Variants in SPPL3 observed in about 807,000 individuals in gnomAD.
The protein encoded by SPPL3 is signal peptide peptidase like 3, also known as signal peptide peptidase-like 3.
A neutral mutation model predicts 42.4 loss-of-function variants in SPPL3; 5 were observed. That is an observed-to-expected ratio of 0.12 (90% CI 0.06 to 0.25). The LOEUF (loss-of-function observed/expected upper bound fraction) is 0.25, where lower values mean the gene tolerates loss of function less well. Among genes scored for constraint, SPPL3 ranks in the 10% least tolerant of loss-of-function variants. The pLI is 1.00. For missense variants in SPPL3, 235 were observed against 489.0 expected (o/e 0.48, Z 4.90); for synonymous variants, 195 against 181.8 (o/e 1.07, Z -0.58).
intron 1 of SPPL3, among the ~76,000 whole-genome samples, chr12:120,857,333 G>A (rs2137039326): frequency 6.6e-6 from 1 of 152,314 alleles, no homozygotes; most frequent in Non-Finnish European, 1.5e-5. Context: ...AACAGATGCT[G>A]GCGAGGCTGT....
chr12:120,840,234 C>T (rs1422124297), intron 1 of SPPL3, among the ~76,000 whole-genome samples: 2 of 129,236 alleles, frequency 1.5e-5, no homozygotes, highest in African/African-American at 5.7e-5. Flanking sequence ...GCTGAGATTG[C>T]ACCACTGTAC....
At chr12:120,879,194 CA>C (rs905901329) in intron 1 of SPPL3, among the ~76,000 whole-genome samples, 4 of 150,412 alleles carry the variant, frequency 2.7e-5, no homozygotes, top group African/African-American at 9.8e-5. Flanking sequence ...GTCATGTAGA[CA>C]GGGGAAGCTG....
chr12:120,837,426 T>C (rs541360116), intron 1 of SPPL3, among the ~76,000 whole-genome samples: 16 of 152,348 alleles, frequency 1.1e-4, no homozygotes, highest in African/African-American at 3.6e-4. Context: ...ACAAAAATAA[T>C]GTTAAATCAA....
At chr12:120,794,272 A>AT (rs76687139) in intron 2 of SPPL3, among the ~76,000 whole-genome samples, 2,664 of 148,724 alleles carry the variant, frequency 0.018, 84 homozygotes, top group African/African-American at 0.059. Context: ...ACTTTTAACT[A>AT]TTTTTTTTTT....
At chr12:120,801,576 A>G (rs1407867238) in intron 2 of SPPL3, among the ~76,000 whole-genome samples, 1 of 152,196 alleles carries the variant, frequency 6.6e-6, no homozygotes, top group African/African-American at 2.4e-5. Flanking sequence ...TGTTACACCA[A>G]GTAATGGGCT....
intron 1 of SPPL3, among the ~76,000 whole-genome samples, chr12:120,838,720 C>T (rs2137023876): frequency 6.6e-6 from 1 of 152,268 alleles, no homozygotes; most frequent in Middle Eastern, 3.4e-3. Context: ...TAATAGTTAC[C>T]ATTCCAAGAG....
At chr12:120,840,837 A>C (rs766450200) in intron 1 of SPPL3, among the ~76,000 whole-genome samples, 5 of 151,884 alleles carry the variant, frequency 3.3e-5, no homozygotes, top group Non-Finnish European at 5.9e-5. Flanking sequence ...CGGTCTGAAA[A>C]AATAAAATAA....
chr12:120,893,913 G>A (rs1873719757), intron 1 of SPPL3, among the ~76,000 whole-genome samples: 1 of 152,146 alleles, frequency 6.6e-6, no homozygotes, highest in Non-Finnish European at 1.5e-5. Flanking sequence ...AGCCAGCCTA[G>A]CCATAGTCCC....
intron 1 of SPPL3, among the ~76,000 whole-genome samples, chr12:120,813,238 T>C (rs1870743857): frequency 6.8e-6 from 1 of 147,516 alleles, no homozygotes; most frequent in Non-Finnish European, 1.5e-5. Flanking sequence ...TTTCCTTTAA[T>C]CGTTGTAAAA....
intron 6 of SPPL3, among the ~76,000 whole-genome samples, chr12:120,776,169 G>C (rs932073021): frequency 2.0e-5 from 3 of 152,224 alleles, no homozygotes; most frequent in African/African-American, 7.2e-5. Flanking sequence ...AGGAAGAAGA[G>C]ATCTGTGGAT....
At chr12:120,775,452 G>A (rs1157076968) in intron 6 of SPPL3, among the ~76,000 whole-genome samples, 1 of 152,140 alleles carries the variant, frequency 6.6e-6, no homozygotes, top group Non-Finnish European at 1.5e-5. Context: ...GTGCCCGGTT[G>A]AGTGTAGCAT....
Position 120,896,844 on chromosome 12 carries a change from G to C in SPPL3, c.23+7001C>G, listed in dbSNP as rs761095100. On this transcript the variant is annotated intron_variant, in intron 1 of 10. Coordinates refer to ENST00000353487, the MANE Select transcript of SPPL3 (RefSeq NM_139015.5). ...TTTATACATACATCACATACAATCA[G>C]TATTTTAATTCCTAAGAAGGAACCA... Among the ~76,000 whole-genome samples, 12 of 151,298 alleles carry C rather than the reference G, an allele frequency of 7.9e-5. 1 individual carries two copies. Among genetic ancestry groups the C allele is most frequent in the Admixed American group, 2.6e-4 (4 of 15,202 alleles).
chr12:120,889,081 T>G (rs1299680507), intron 1 of SPPL3, among the ~76,000 whole-genome samples: 3 of 152,160 alleles, frequency 2.0e-5, no homozygotes, highest in Non-Finnish European at 2.9e-5. Context: ...CCGGAAATGC[T>G]GAGATTACAG....
intron 6 of SPPL3, among the ~76,000 whole-genome samples, chr12:120,777,932 CAAAGGTCTGTATAGTCTAG>C (rs1393728754): frequency 2.0e-5 from 3 of 152,074 alleles, no homozygotes; most frequent in Non-Finnish European, 4.4e-5. Flanking sequence ...TCTGCGTCAT[CAAAGGTCTGTATAGTCTAG>C]AGGGTAACTT....
chr12:120,837,519 C>A (rs1440947398), intron 1 of SPPL3, among the ~76,000 whole-genome samples: 2 of 152,144 alleles, frequency 1.3e-5, no homozygotes, highest in Non-Finnish European at 2.9e-5. Flanking sequence ...CATTTGAAGG[C>A]ATTAAACATT....
chr12:120,858,663 G>A (rs938972461), intron 1 of SPPL3, among the ~76,000 whole-genome samples: 2 of 152,000 alleles, frequency 1.3e-5, no homozygotes. Context: ...AGTTAAGAAA[G>A]GGATAAAAAG....
At chr12:120,768,652 A>G (rs1868994305) in intron 7 of SPPL3, 164 bp from the exon 8 acceptor site, 2 of 836,854 alleles carry the variant, frequency 2.4e-6, no homozygotes, top group Non-Finnish European at 3.6e-6. Context: ...TGTACTTGCC[A>G]ATTTCTGCAC....
At chr12:120,899,613 G>A (rs1168278522) in intron 1 of SPPL3, among the ~76,000 whole-genome samples, 2 of 151,986 alleles carry the variant, frequency 1.3e-5, no homozygotes, top group African/African-American at 2.4e-5. Context: ...AAAGATCGCC[G>A]GGCACAGTGG....
chr12:120,830,899 G>A (rs1871405744), intron 1 of SPPL3, among the ~76,000 whole-genome samples: 7 of 152,040 alleles, frequency 4.6e-5, no homozygotes, highest in Admixed American at 4.6e-4. Flanking sequence ...CCAGCTACGT[G>A]GTTATACATT....
Sources: gnomAD v4.1 joint callset for allele counts (sites outside exome capture counted in the v4.1 genomes callset) on GRCh38, gnomAD v4.1.1 for gene constraint, MANE v1.5 for transcripts, NCBI Gene and HGNC (gene_info 2026-07-23, HGNC 2026-07-21) for gene names.